Variants in EPB41L3 observed in about 807,000 individuals in gnomAD.
EPB41L3 encodes band 4.1-like protein 3.
Under a neutral mutation model 127.1 loss-of-function variants are expected in EPB41L3, and 57 were observed. The ratio of observed to expected loss-of-function variants is 0.45; its 90% CI spans 0.36 to 0.56. EPB41L3 has a LOEUF of 0.56. Ranked by LOEUF, EPB41L3 falls within the 20% of genes least tolerant of loss-of-function variation. The probability of loss-of-function intolerance (pLI) is 0.00; values close to 1 mark genes in which losing one functional copy is unlikely to be tolerated. For missense variants in EPB41L3, 1,273 were observed against 1,372.2 expected (o/e 0.93, Z 1.14); for synonymous variants, 572 against 549.5 (o/e 1.04, Z -0.57).
intron 3 of EPB41L3, among the ~76,000 whole-genome samples, chr18:5,559,717 C>A (rs917383536): frequency 2.6e-5 from 4 of 152,104 alleles, no homozygotes; most frequent in Non-Finnish European, 5.9e-5. Flanking sequence ...ATCAATCATA[C>A]AACATTTACT....
intron 8 of EPB41L3, 143 bp downstream of exon 8, chr18:5,433,326 T>C (rs1344099175): frequency 2.3e-5 from 14 of 622,208 alleles, no homozygotes; most frequent in Non-Finnish European, 3.3e-5. Context: ...TATCGTGGAG[T>C]AGGGCTTAAA....
At chr18:5,442,803 C>T (rs1345517753) in intron 5 of EPB41L3, among the ~76,000 whole-genome samples, 1 of 152,198 alleles carries the variant, frequency 6.6e-6, no homozygotes, top group African/African-American at 2.4e-5. Flanking sequence ...TCCTCCTTCT[C>T]AACCCCGACA....
At chr18:5,546,404 G>A (rs192127871), upstream of EPB41L3, among the ~76,000 whole-genome samples, 80 of 152,054 alleles carry the variant, frequency 5.3e-4, no homozygotes, top group Middle Eastern at 6.8e-3. Flanking sequence ...AGTGGTGGGC[G>A]CCTGTAATCC....
chr18:5,400,931 C>T (rs1294859663), intron 16 of EPB41L3: 4 of 1,350,182 alleles, frequency 3.0e-6, no homozygotes, highest in Admixed American at 2.0e-5. Flanking sequence ...GTCTGAAGAC[C>T]AATTTCTTCT....
chr18:5,629,211 G>T (rs927214353), upstream of EPB41L3, among the ~76,000 whole-genome samples: 2 of 152,076 alleles, frequency 1.3e-5, no homozygotes, highest in African/African-American at 4.8e-5. Context: ...TTGGCCAGAT[G>T]ATTTTAATCC....
At chr18:5,544,090 C>CG (rs1181876371), upstream of EPB41L3, 18 of 985,480 alleles carry the variant, frequency 1.8e-5, no homozygotes, top group Admixed American at 1.2e-4. Context: ...GGAGCTGCGG[C>CG]GGGGGCCCAC....
chr18:5,403,814 A>C (rs546707170), intron 16 of EPB41L3, among the ~76,000 whole-genome samples: 3 of 152,162 alleles, frequency 2.0e-5, no homozygotes, highest in Non-Finnish European at 2.9e-5. Flanking sequence ...AAATAGAGTA[A>C]TATCAAATTA....
intron 3 of EPB41L3, among the ~76,000 whole-genome samples, chr18:5,581,751 C>A (rs1453427978): frequency 6.6e-6 from 1 of 152,152 alleles, no homozygotes. Flanking sequence ...AATCCCAGCA[C>A]TTTAGGAGGC....
intron 16 of EPB41L3, chr18:5,400,497 C>T (rs1232342129): frequency 4.4e-6 from 2 of 456,288 alleles, no homozygotes; most frequent in Non-Finnish European, 8.8e-6. Flanking sequence ...AAAGAATAAC[C>T]TCTAGGGTTG....
At chr18:5,551,571 T>C (rs1055842600) in intron 3 of EPB41L3, among the ~76,000 whole-genome samples, 9 of 152,016 alleles carry the variant, frequency 5.9e-5, no homozygotes, top group African/African-American at 2.2e-4. Flanking sequence ...AATTTTACAA[T>C]TAGCCTGGCG....
chr18:5,487,183 G>A (rs895293179), intron 2 of EPB41L3, among the ~76,000 whole-genome samples: 7 of 151,978 alleles, frequency 4.6e-5, no homozygotes, highest in Non-Finnish European at 8.8e-5. Context: ...GCACCAACAC[G>A]GATGGAACTA....
intron 1 of EPB41L3, among the ~76,000 whole-genome samples, chr18:5,492,180 C>T (rs1343835399): frequency 6.6e-6 from 1 of 152,000 alleles, no homozygotes; most frequent in Non-Finnish European, 1.5e-5. Flanking sequence ...ATTAACCAGG[C>T]GTGGTGGTGC....
chr18:5,500,625 G>A (rs759795663), intron 1 of EPB41L3, among the ~76,000 whole-genome samples: 10 of 152,198 alleles, frequency 6.6e-5, no homozygotes, highest in Non-Finnish European at 1.3e-4. Flanking sequence ...ACCACGGGGT[G>A]AAGGACAGAG....
At chr18:5,437,044 G>T (rs1568171457) in intron 6 of EPB41L3, among the ~76,000 whole-genome samples, 1 of 152,138 alleles carries the variant, frequency 6.6e-6, no homozygotes, top group South Asian at 2.1e-4. Context: ...ACTTACTACG[G>T]AGCTGAGCAA....
At chr18:5,430,057 C>T (rs535274960) in intron 8 of EPB41L3, among the ~76,000 whole-genome samples, 1 of 152,260 alleles carries the variant, frequency 6.6e-6, no homozygotes, top group East Asian at 1.9e-4. Flanking sequence ...AAAGGACATT[C>T]GAAACCTTTT....
At chr18:5,520,011 C>G (rs947216264) in intron 1 of EPB41L3, among the ~76,000 whole-genome samples, 1 of 152,134 alleles carries the variant, frequency 6.6e-6, no homozygotes, top group Admixed American at 6.5e-5. Flanking sequence ...TGACGCAACC[C>G]AAGGAGCTTG....
intron 6 of EPB41L3, 28 bp downstream of exon 6, chr18:5,438,007 G>C (rs762319353): frequency 2.9e-5 from 47 of 1,604,302 alleles, no homozygotes; most frequent in Non-Finnish European, 3.8e-5. Flanking sequence ...CAATATGCTT[G>C]TCTTTTGCAT....
At chr18:5,414,939 G>A (rs945594640) in intron 13 of EPB41L3, among the ~76,000 whole-genome samples, 5 of 152,226 alleles carry the variant, frequency 3.3e-5, no homozygotes, top group Admixed American at 3.3e-4. Context: ...ATAGTTCAGG[G>A]TCTTTCGCCC....
rs187314781 is a variant in EPB41L3, at chr18:5,454,091, C to T, written c.382-8847G>A. 2.3e-3 allele frequency among the ~76,000 whole-genome samples: 346 copies of T among 152,158 alleles called. 3 individuals are homozygous for T. The highest frequency in any genetic ancestry group is 8.1e-3 in the African/African-American group (335 of 41,508). On this transcript the variant is annotated intron_variant, in intron 3 of 22. Coordinates refer to ENST00000341928, the MANE Select transcript of EPB41L3 (RefSeq NM_012307.5). ...CTTGAGCCCAAATCAGACACCTGGA[C>T]TCTGTGTAAGTCACCTTTCCTGGGC...
Sources: allele counts gnomAD v4.1 joint callset (sites outside exome capture counted in the v4.1 genomes callset), GRCh38; gene constraint gnomAD v4.1.1; transcripts MANE v1.5; gene names NCBI Gene and HGNC (gene_info 2026-07-23, HGNC 2026-07-21).